The following ATCAY variants were observed in gnomAD, a reference collection of about 807,000 sequenced individuals.
The protein encoded by ATCAY is ATCAY kinesin light chain interacting caytaxin.
ATCAY carries 22 observed loss-of-function variants against 47.7 expected under a neutral mutation model. The observed-to-expected ratio is 0.46, with a 90% confidence interval of 0.33 to 0.66. The LOEUF (loss-of-function observed/expected upper bound fraction) is 0.66, where lower values mean the gene tolerates loss of function less well. Ranked by LOEUF, ATCAY falls within the 30% of genes least tolerant of loss-of-function variation. The probability of loss-of-function intolerance (pLI) is 0.02; values close to 1 mark genes in which losing one functional copy is unlikely to be tolerated. For synonymous variants in ATCAY, 216 were observed against 207.6 expected (o/e 1.04, Z -0.35); for missense variants, 452 against 515.0 (o/e 0.88, Z 1.18).
intron 8 of ATCAY, among the ~76,000 whole-genome samples, chr19:3,912,553 G>T (rs769108784): frequency 5.9e-5 from 9 of 151,894 alleles, no homozygotes; most frequent in Admixed American, 5.3e-4. Flanking sequence ...TTCGTGATCC[G>T]CCTGCCTTGG....
chr19:3,913,783 T>G lies in ATCAY; in HGVS notation c.892T>G (p.Tyr298Asp). The change falls in exon 9 of 13, where the codon TAC (tyrosine) becomes GAC (aspartate). Residue 298 changes from tyrosine (Y) to aspartate (D), a missense_variant. Transcript: ENST00000450849. ...CGTCAAGTTCATCAACAAGATCCAG[T>G]ACGTGCACAGCTTGGAAGACCTGGA... ...ISVKFINKIQYVHSLEDLEQL... is the reference protein window; with the variant it reads ...ISVKFINKIQDVHSLEDLEQL... 1 of 1,613,820 alleles carries G rather than the reference T, an allele frequency of 6.2e-7. No homozygotes were observed. The highest frequency in any genetic ancestry group is 8.5e-7 in the Non-Finnish European group (1 of 1,179,832).
chr19:3,905,588 C>T lies in ATCAY; in HGVS notation c.291C>T (p.Asp97=), dbSNP rs1229291927. The T allele has an allele frequency of 5.0e-6, 8 of 1,613,692 alleles. No individual in the cohort carries two copies. The Admixed American group carries it at 1.3e-4, about 27-fold the overall frequency. Residue 97 remains aspartate, a synonymous_variant, in exon 4 of 13, where the codon GAC becomes GAT. Coordinates refer to ENST00000450849, the MANE Select transcript of ATCAY (RefSeq NM_033064.5). ...ATGACCTGGATATTAACGTGGATGA[C>T]ATCGAGACCCCCGATGAGACCGACT... ...TPDDLDINVD[D]IETPDETDSL... is the part of the protein sequence containing the mutation.
At chr19:3,887,074 C>T (rs76169067) in intron 2 of ATCAY, among the ~76,000 whole-genome samples, 2,721 of 152,194 alleles carry the variant, frequency 0.018, 53 homozygotes, top group East Asian at 0.054. Context: ...GTTTAGCTCA[C>T]TGCTGTATCC....
At chr19:3,915,214 C>T (rs1490488375) in intron 9 of ATCAY, among the ~76,000 whole-genome samples, 1 of 152,014 alleles carries the variant, frequency 6.6e-6, no homozygotes. Context: ...CTCTTGTTGC[C>T]CAGGCTGGAG....
chr19:3,905,696 C>G (rs200728745), intron 4 of ATCAY, 41 bp downstream of exon 4: 10 of 1,539,510 alleles, frequency 6.5e-6, no homozygotes, highest in African/African-American at 1.4e-5. Flanking sequence ...GGAGCCCACC[C>G]CCCCCACCCC....
chr19:3,922,437 C>T (rs372740803), intron 12 of ATCAY, among the ~76,000 whole-genome samples: 1 of 152,162 alleles, frequency 6.6e-6, no homozygotes, highest in Non-Finnish European at 1.5e-5. Context: ...CATCAGATCT[C>T]GTGAGAACTC....
intron 2 of ATCAY, among the ~76,000 whole-genome samples, chr19:3,893,829 A>C (rs1005991080): frequency 1.3e-5 from 2 of 152,162 alleles, no homozygotes; most frequent in East Asian, 1.9e-4. Context: ...CCCATCCCCG[A>C]GGCACTGCCT....
At chr19:3,915,872 T>C in intron 9 of ATCAY, among the ~76,000 whole-genome samples, 1 of 151,814 alleles carries the variant, frequency 6.6e-6, no homozygotes, top group East Asian at 1.9e-4. Flanking sequence ...GTATTTTTAG[T>C]AGAGACGGAG....
chr19:3,886,047 T>A (rs1056520552), intron 2 of ATCAY, among the ~76,000 whole-genome samples: 1 of 152,190 alleles, frequency 6.6e-6, no homozygotes, highest in African/African-American at 2.4e-5. Context: ...AGTGGGGTAG[T>A]CCTGGCCAGG....
In ATCAY at chr19:3,908,606, C is replaced by T. The variant is rs2038887962; in HGVS notation, c.647+236C>T. On this transcript the variant is annotated intron_variant, in intron 6 of 12. Transcript: ENST00000450849. ...CCTCCTCCTCCTCCTCTTCCTCCTC[C>T]TTCCCCTCCTCCTCACTGTCCTCCT... 2.0e-5 allele frequency among the ~76,000 whole-genome samples: 3 copies of T among 147,554 alleles called. No homozygotes were observed. The South Asian group carries it at 6.6e-4, about 32-fold the overall frequency.
chr19:3,914,052 T>C (rs919293455), intron 9 of ATCAY, among the ~76,000 whole-genome samples, 196 bp downstream of exon 9: 3 of 151,156 alleles, frequency 2.0e-5, no homozygotes, highest in African/African-American at 4.9e-5. Context: ...CTGGCTAACA[T>C]GGTGAAACCC....
At position 3,887,688 on chromosome 19, in the gene ATCAY, A is replaced by T. The variant is rs10405895; in HGVS notation, c.77+1844A>T. ...TTTTTAGTAGAGACGGGGTTTCACC[A>T]TGTTAGCCAGGATGGTCTCGATCGT... On this transcript the variant is annotated intron_variant, in intron 2 of 12. Transcript: ENST00000450849. Among the ~76,000 whole-genome samples the T allele has an allele frequency of 1.8e-4, 27 of 149,634 alleles. No individual in the cohort carries two copies. The South Asian group carries it at 5.1e-3, about 28-fold the overall frequency.
Position 3,905,462 on chromosome 19 carries a change from A to C in ATCAY, c.165A>C (p.Gly55=), listed in dbSNP as rs1331957733. ...CTCCCAACACGCTAAATTTCAACGG[A>C]GCGCATCGTAAGAGGAAGACGCTGG... ...SSPPNTLNFN[G]AHRKRKTLVA... is the part of the protein sequence containing the mutation. Residue 55 remains glycine (G), a synonymous_variant, in exon 4 of 13, where the codon GGA becomes GGC. Transcript: ENST00000450849. 1.2e-6 allele frequency: 2 copies of C among 1,612,822 alleles called. No individual in the cohort carries two copies. The highest frequency in any genetic ancestry group is 1.7e-6 in the Non-Finnish European group (2 of 1,179,318).
intron 12 of ATCAY, chr19:3,922,131 G>A (rs1199888711): frequency 1.4e-6 from 1 of 702,692 alleles, no homozygotes; most frequent in African/African-American, 1.7e-5. Context: ...ACATACACCT[G>A]GCTGACTGTC....
chr19:3,890,117 T>C (rs996303214), intron 2 of ATCAY, among the ~76,000 whole-genome samples: 3 of 151,568 alleles, frequency 2.0e-5, no homozygotes, highest in Admixed American at 6.6e-5. Flanking sequence ...CTCATCTTTG[T>C]ATTTTTAGTA....
intron 1 of ATCAY, among the ~76,000 whole-genome samples, chr19:3,882,242 C>A (rs764908119): frequency 7.9e-5 from 12 of 152,180 alleles, no homozygotes; most frequent in Non-Finnish European, 1.3e-4. Context: ...CCGGGCTGGT[C>A]TTAACCTCCT....
chr19:3,920,738 A>T, intron 11 of ATCAY, 28 bp from the exon 12 acceptor site: 1 of 1,559,980 alleles, frequency 6.4e-7, no homozygotes, highest in Non-Finnish European at 8.7e-7. Context: ...TAAGCAAATA[A>T]CGCCCAGTCT....
At chr19:3,888,428 G>A (rs1297187820) in intron 2 of ATCAY, among the ~76,000 whole-genome samples, 4 of 151,956 alleles carry the variant, frequency 2.6e-5, no homozygotes, top group East Asian at 1.9e-4. Flanking sequence ...TCAGGAGTTC[G>A]AGGCCAGCCT....
intron 9 of ATCAY, among the ~76,000 whole-genome samples, chr19:3,914,858 C>G (rs548607404): frequency 2.2e-3 from 326 of 151,388 alleles, no homozygotes; most frequent in Non-Finnish European, 3.2e-3. Flanking sequence ...GAGATACAGT[C>G]AAACCCTGTC....
Sources: allele counts gnomAD v4.1 joint callset (sites outside exome capture counted in the v4.1 genomes callset), GRCh38; gene constraint gnomAD v4.1.1; transcripts MANE v1.5; gene names NCBI Gene and HGNC (gene_info 2026-07-23, HGNC 2026-07-21).